SMAD7: variants seen among roughly 807,000 people sequenced by gnomAD.
The protein encoded by SMAD7 is SMAD family member 7, also known as MAD (mothers against decapentaplegic, Drosophila) homolog 7.
A neutral mutation model predicts 38.7 loss-of-function variants in SMAD7; 8 were observed. That is an observed-to-expected ratio of 0.21 (90% confidence interval 0.12 to 0.37). SMAD7 has a LOEUF of 0.37. Ranked by LOEUF, SMAD7 falls within the 10% of genes least tolerant of loss-of-function variation. The probability of loss-of-function intolerance (pLI) is 1.00; values close to 1 mark genes in which losing one functional copy is unlikely to be tolerated. For synonymous variants in SMAD7, 327 were observed against 265.1 expected, an observed-to-expected ratio of 1.23 and a Z score of -2.27; for missense variants, 477 against 577.9, an observed-to-expected ratio of 0.83 and a Z score of 1.79.
At chr18:48,933,286 G>T (rs1360471428) in intron 3 of SMAD7, among the ~76,000 whole-genome samples, 2 of 152,068 alleles carry the variant, frequency 1.3e-5, no homozygotes, top group East Asian at 3.9e-4. Flanking sequence ...GAGGGACCAG[G>T]CTCCTCTGTC....
chr18:48,927,560 C>T (rs1395747391), intron 3 of SMAD7, among the ~76,000 whole-genome samples: 2 of 152,208 alleles, frequency 1.3e-5, no homozygotes, highest in East Asian at 1.9e-4. Context: ...CGCATGCAGC[C>T]TCCCGGTAAG....
In SMAD7 at chr18:48,948,490, A is replaced by G. The variant is rs74395000; in HGVS notation, c.614-53T>C. 1,272 of 1,264,340 alleles carry G rather than the reference A, an allele frequency of 1.0e-3. 15 individuals carry two copies. The highest frequency in any genetic ancestry group is 1.5e-3 in the East Asian group (64 of 41,508). The allele number at this position is 1,264,340 out of a possible 1,614,324, so 78.3% of individuals were successfully genotyped here. A position where few individuals can be genotyped will look rare whatever the true frequency, so the allele number is the denominator to read the frequency against. ...AAGGCCCAGCCATGAGAAGAGAGAT[A>G]GAAACTTATGATAACAGAGGCATTC... On this transcript the variant is annotated intron_variant, in intron 1 of 3. Transcript: ENST00000262158.
chr18:48,935,695 A>AG (rs1372424996), intron 3 of SMAD7, among the ~76,000 whole-genome samples: 1 of 152,200 alleles, frequency 6.6e-6, no homozygotes, highest in Non-Finnish European at 1.5e-5. Context: ...ATCAAACCAG[A>AG]GGGAACTTTC....
In SMAD7 at chr18:48,921,292, C is replaced by A; in HGVS notation, c.*80G>T. On this transcript the variant is annotated 3_prime_UTR_variant, in exon 4 of 4. Transcript: ENST00000262158. The surrounding 1 kb of genome is among the most constrained non-coding windows in gnomAD (Gnocchi z 6.4). The stretch of plus-strand genomic sequence containing the variant: ...CCAAAGAGTTTGCATGAAAAGCAAG[C>A]ACTCAGGAGGAAAATATTAGCAGCA... 3 of 1,265,158 alleles carry A rather than the reference C, an allele frequency of 2.4e-6. No individual in the cohort carries two copies. The highest frequency in any genetic ancestry group is 3.3e-6 in the Non-Finnish European group (3 of 921,762). The allele number at this position is 1,265,158 out of a possible 1,614,324, so 78.4% of individuals were successfully genotyped here.
intron 3 of SMAD7, among the ~76,000 whole-genome samples, chr18:48,942,200 T>C (rs1476249282): frequency 6.6e-6 from 1 of 152,144 alleles, no homozygotes; most frequent in Non-Finnish European, 1.5e-5. Flanking sequence ...CAGGAGCTGC[T>C]TAAAAATAAC....
intron 3 of SMAD7, among the ~76,000 whole-genome samples, chr18:48,926,559 C>T (rs548077836): frequency 7.2e-5 from 11 of 152,354 alleles, no homozygotes; most frequent in South Asian, 2.1e-4. Context: ...AGGCTGAGGA[C>T]GGAGAAGTTG....
At chr18:48,944,198 C>T (rs998547098) in intron 2 of SMAD7, among the ~76,000 whole-genome samples, 1 of 152,126 alleles carries the variant, frequency 6.6e-6, no homozygotes, top group Admixed American at 6.5e-5. Flanking sequence ...GCTTCTCAAC[C>T]CTCTCCTCCA....
At chr18:48,937,575 G>A (rs1265272286) in intron 3 of SMAD7, among the ~76,000 whole-genome samples, 3 of 152,152 alleles carry the variant, frequency 2.0e-5, no homozygotes, top group African/African-American at 7.2e-5. Context: ...CCTTCTCCAG[G>A]GGGAAGTGCA....
At chr18:48,931,924 G>A (rs2070006282) in intron 3 of SMAD7, among the ~76,000 whole-genome samples, 1 of 152,170 alleles carries the variant, frequency 6.6e-6, no homozygotes, top group Admixed American at 6.5e-5. Context: ...GGGAAGGTGG[G>A]GGGGCTTCTG....
chr18:48,943,625 G>A (rs189560158), intron 2 of SMAD7, among the ~76,000 whole-genome samples: 18 of 152,298 alleles, frequency 1.2e-4, no homozygotes, highest in Non-Finnish European at 8.8e-5. Context: ...TGCTGCCCAG[G>A]TCCGCAGCAA....
intron 3 of SMAD7, among the ~76,000 whole-genome samples, chr18:48,922,224 G>A (rs1234534426): frequency 2.0e-5 from 3 of 152,186 alleles, no homozygotes; most frequent in Non-Finnish European, 4.4e-5. Context: ...CAGATGCAAA[G>A]GGACCCTTAA....
intron 3 of SMAD7, chr18:48,930,027 C>T (rs1488761944): frequency 1.3e-5 from 2 of 152,106 alleles, no homozygotes; most frequent in African/African-American, 2.4e-5. Context: ...TGCATTCCGG[C>T]CAATAAATTC....
intron 2 of SMAD7, among the ~76,000 whole-genome samples, chr18:48,947,879 G>A (rs1326138776): frequency 6.8e-6 from 1 of 146,060 alleles, no homozygotes; most frequent in Admixed American, 6.9e-5. Flanking sequence ...GGTGACTGGA[G>A]CAGGAGGAAC....
chr18:48,923,262 A>G (rs79704305), intron 3 of SMAD7, among the ~76,000 whole-genome samples: 3,101 of 152,140 alleles, frequency 0.02, 106 homozygotes, highest in African/African-American at 0.07. Context: ...TGAGTGTGAG[A>G]TGTGTTTTGG....
Position 48,921,426 on chromosome 18 carries a change from G to A in SMAD7, c.1227C>T (p.Arg409=). Residue 409 remains arginine, a synonymous_variant, in exon 4 of 4, where the codon CGC becomes CGT. Coordinates refer to ENST00000262158, the MANE Select transcript of SMAD7 (RefSeq NM_005904.4). The surrounding 1 kb of genome is among the most constrained non-coding windows in gnomAD (Gnocchi z 6.4). ...AGCACGGGCAGCTGCTGATGAACTG[G>A]CGGGTGTAGCACTGGCCCCAGCCCT... ...FVKGWGQCYT[R]QFISSCPCWL... 1.2e-6 allele frequency: 2 copies of A among 1,611,498 alleles called. No individual in the cohort carries two copies. The highest frequency in any genetic ancestry group is 1.7e-6 in the Non-Finnish European group (2 of 1,178,104).
At chr18:48,948,476 A>T (rs1263039527) in intron 1 of SMAD7, 39 bp from the exon 2 acceptor site, 7 of 1,404,674 alleles carry the variant, frequency 5.0e-6, no homozygotes, top group African/African-American at 2.9e-5. Flanking sequence ...AGGCCCAGCC[A>T]TGAGAAGAGA....
chr18:48,934,772 G>C (rs1433633252), intron 3 of SMAD7, among the ~76,000 whole-genome samples: 1 of 148,750 alleles, frequency 6.7e-6, no homozygotes, highest in Non-Finnish European at 1.5e-5. Flanking sequence ...GAGTGGAAGG[G>C]AAGAAAAAAA....
At chr18:48,923,250 G>A (rs564109823) in intron 3 of SMAD7, among the ~76,000 whole-genome samples, 90 of 152,340 alleles carry the variant, frequency 5.9e-4, no homozygotes, top group African/African-American at 2.1e-3. Flanking sequence ...CAAAGCAGGG[G>A]TTGAGTGTGA....
In SMAD7 at chr18:48,947,875, T is replaced by C. The variant is rs369234264; in HGVS notation, c.667+509A>G. 1.6e-4 allele frequency among the ~76,000 whole-genome samples: 24 copies of C among 146,116 alleles called. No homozygotes were observed. In the East Asian group the frequency reaches 4.6e-3, roughly 28 times the overall value. On this transcript the variant is annotated intron_variant, in intron 2 of 3. Coordinates refer to ENST00000262158, the MANE Select transcript of SMAD7 (RefSeq NM_005904.4). Reference sequence around the variant, plus strand: ...GGGAGAGGACTGACTTGCAGGTGACTGGAGCAGGAGGAACCTACCCCCCCC... The same window carrying C: ...GGGAGAGGACTGACTTGCAGGTGACCGGAGCAGGAGGAACCTACCCCCCCC...
Sources: gnomAD v4.1 joint callset for allele counts (sites outside exome capture counted in the v4.1 genomes callset) on GRCh38, gnomAD v4.1.1 for gene constraint, Gnocchi (gnomAD v3.1) non-coding constraint, MANE v1.5 for transcripts, NCBI Gene and HGNC (gene_info 2026-07-23, HGNC 2026-07-21) for gene names.